The following ZNF737 variants were observed in gnomAD, a reference collection of about 807,000 sequenced individuals.
The protein encoded by ZNF737 is zinc finger protein 102 (Y3).
Under a neutral mutation model 11.7 loss-of-function variants are expected in ZNF737, and 13 were observed. The ratio of observed to expected loss-of-function variants is 1.11; its 90% confidence interval spans 0.73 to 1.77. The LOEUF (loss-of-function observed/expected upper bound fraction) is 1.77. ZNF737 is among the 40% of genes most tolerant of loss of function. The pLI is 0.00. For synonymous variants in ZNF737, 217 were observed against 216.2 expected, an observed-to-expected ratio of 1.00 and a Z score of -0.03; for missense variants, 636 against 638.0, an observed-to-expected ratio of 1.00 and a Z score of 0.03.
the ZNF737 span, among the ~76,000 whole-genome samples, chr19:20,530,534 T>A: frequency 8.0e-6 from 1 of 124,254 alleles, no homozygotes; most frequent in Non-Finnish European, 1.7e-5. Flanking sequence ...AGGCGGAGGG[T>A]CTCCTCACTT....
Position 20,544,313 on chromosome 19 carries a change from G to T in ZNF737, c.*279C>A. ...CATATTTAGTAAAAGTTGATAGCTG[G>T]TTAAAGGCTTTCCGACATTCATCAA... On this transcript the variant is annotated 3_prime_UTR_variant, in exon 4 of 4. Transcript: ENST00000427401. 7.9e-7 allele frequency: 1 copy of T among 1,271,796 alleles called. No individual in the cohort carries two copies. Among genetic ancestry groups the T allele is most frequent in the Non-Finnish European group, 9.9e-7 (1 of 1,008,796 alleles). 78.8% of individuals were successfully genotyped at this position (1,271,796 alleles called of 1,614,324 possible).
Position 20,541,982 on chromosome 19 carries a change from T to C in ZNF737, c.*2610A>G. 1 of 972,416 alleles carries C rather than the reference T, an allele frequency of 1.0e-6. No individual in the cohort carries two copies. Among genetic ancestry groups the C allele is most frequent in the Non-Finnish European group, 1.2e-6 (1 of 818,308 alleles). 60.2% of individuals were successfully genotyped at this position (972,416 alleles called of 1,614,324 possible). A position where few individuals can be genotyped will look rare whatever the true frequency, so the allele number is the denominator to read the frequency against. The stretch of plus-strand genomic sequence containing the variant: ...TATACCCACGAATACAAATAAAAAA[T>C]TTAAATAATAAAGAGTCAAAATTTA... On this transcript the variant is annotated 3_prime_UTR_variant, in exon 4 of 4. Transcript: ENST00000427401.
rs1968436407 is a variant in ZNF737 at position 20,545,854 on chromosome 19, A to C, written c.349T>G (p.Cys117Gly). The C allele has an allele frequency of 6.2e-7, 1 of 1,613,372 alleles. No individual in the cohort carries two copies. The highest frequency in any genetic ancestry group is 1.3e-5 in the African/African-American group (1 of 74,872). ...ACCTTACACTCATCTACACTTTCAC[A>C]GCCCTTTTTAAACTGTAAATTGTCA... ...GHDNLQFKKG[C>G]ESVDECKVHK... Residue 117 changes from cysteine (C) to glycine (G), a missense_variant, in exon 4 of 4, where the codon TGT becomes GGT. Cys to Gly is a radical substitution (Grantham distance 159). Transcript: ENST00000427401.
At chr19:20,533,308 G>C (rs537241450), downstream of ZNF737, among the ~76,000 whole-genome samples, 2 of 149,082 alleles carry the variant, frequency 1.3e-5, no homozygotes, top group African/African-American at 2.5e-5. Flanking sequence ...TGTATGAAAG[G>C]TTTTTGTATT....
chr19:20,552,236 A>T (rs1452139320), intron 3 of ZNF737, among the ~76,000 whole-genome samples: 2 of 151,954 alleles, frequency 1.3e-5, no homozygotes, highest in Non-Finnish European at 2.9e-5. Context: ...TCTCACTGTG[A>T]ACTTGAAGGG....
chr19:20,552,696 CAG>C (rs1266703332), intron 2 of ZNF737, 126 bp from the exon 3 acceptor site: 8 of 595,960 alleles, frequency 1.3e-5, no homozygotes, highest in African/African-American at 4.0e-5. Flanking sequence ...AAATTTATAA[CAG>C]AAATTTCTAA....
Position 20,541,039 on chromosome 19 carries a change from G to A in ZNF737, c.*3553C>T, listed in dbSNP as rs1968184658. 4 of 985,026 alleles carry A rather than the reference G, an allele frequency of 4.1e-6. No individual in the cohort carries two copies. Among genetic ancestry groups the A allele is most frequent in the Non-Finnish European group, 3.6e-6 (3 of 829,832 alleles). The allele number at this position is 985,026 out of a possible 1,614,324, so 61.0% of individuals were successfully genotyped here. On this transcript the variant is annotated 3_prime_UTR_variant, in exon 4 of 4. Transcript: ENST00000427401. ...TTTTATTATTGTACTCAAGAGAGTTGTTTCTGGAGACAAAGTTGCCTGTGC... is the reference window on the plus strand; with the variant it reads ...TTTTATTATTGTACTCAAGAGAGTTATTTCTGGAGACAAAGTTGCCTGTGC...
downstream of ZNF737, chr19:20,536,129 C>T (rs1967955936): frequency 3.0e-6 from 3 of 984,754 alleles, no homozygotes; most frequent in Admixed American, 6.2e-5. Context: ...AGGACAGCCA[C>T]TTCTCTGCAA....
downstream of ZNF737, among the ~76,000 whole-genome samples, chr19:20,536,501 C>T (rs974175597): frequency 1.5e-4 from 23 of 152,130 alleles, no homozygotes; most frequent in Non-Finnish European, 2.1e-4. Flanking sequence ...GAAAGCACGT[C>T]GTGCTATTGC....
Position 20,553,358 on chromosome 19 carries a change from A to G in ZNF737, c.130+351T>C, listed in dbSNP as rs563817570. Among the ~76,000 whole-genome samples the G allele has an allele frequency of 5.3e-5, 8 of 152,224 alleles. No individual in the cohort carries two copies. The East Asian group carries it at 1.5e-3, about 29-fold the overall frequency. On this transcript the variant is annotated intron_variant, in intron 2 of 3. Transcript: ENST00000427401. ...ACTGCAACCTCCGCCTCCTGGGTTC[A>G]AGGTATTCTCCTGCCTCACCTTCCC...
rs182417854 is a variant in ZNF737 at position 20,552,809 on chromosome 19, A to G, written c.131-239T>C. 2.1e-3 allele frequency among the ~76,000 whole-genome samples: 317 copies of G among 151,998 alleles called. 1 individual carries two copies. The highest frequency in any genetic ancestry group is 6.9e-3 in the African/African-American group (285 of 41,510). On this transcript the variant is annotated intron_variant, in intron 2 of 3. Coordinates refer to ENST00000427401, the MANE Select transcript of ZNF737 (RefSeq NM_001159293.2). ...TGGGTGAATCACGAGGTCATGAGTT[A>G]GAGACCAGCCTGGCCAGCATGGTGA...
At chr19:20,552,445 T>C (rs1381057364) in intron 3 of ZNF737, 30 bp downstream of exon 3, 2 of 1,490,770 alleles carry the variant, frequency 1.3e-6, no homozygotes, top group South Asian at 2.6e-5. Flanking sequence ...ATCTGTGTCG[T>C]CTGCTATATT....
chr19:20,551,429 CAAA>C (rs59406979), intron 3 of ZNF737, among the ~76,000 whole-genome samples: 11,247 of 101,938 alleles, frequency 0.11, 424 homozygotes, highest in East Asian at 0.26. Flanking sequence ...AACCCCATCT[CAAA>C]AAAAAAAAAA....
chr19:20,542,596 A>ATTT lies in ZNF737; in HGVS notation c.*1993_*1995dup, dbSNP rs782595496. 5.7e-5 allele frequency: 55 copies of ATTT among 971,134 alleles called. No individual in the cohort carries two copies. The highest frequency in any genetic ancestry group is 6.6e-5 in the Non-Finnish European group (54 of 817,220). The allele number at this position is 971,134 out of a possible 1,614,324, so 60.2% of individuals were successfully genotyped here. ...GTACAAGTAGTAAAGTAATATACTCATTTATTTTAATATACTTTTAATTAT... is the reference window on the plus strand; with the variant it reads ...GTACAAGTAGTAAAGTAATATACTCATTTTTTATTTTAATATACTTTTAATTAT... On this transcript the variant is annotated 3_prime_UTR_variant, in exon 4 of 4. Coordinates refer to ENST00000427401, the MANE Select transcript of ZNF737 (RefSeq NM_001159293.2).
chr19:20,554,394 A>G, intron 1 of ZNF737, among the ~76,000 whole-genome samples: 1 of 152,224 alleles, frequency 6.6e-6, no homozygotes, highest in East Asian at 1.9e-4. Flanking sequence ...CAAAGATAAG[A>G]GTCTTCATTT....
downstream of ZNF737, among the ~76,000 whole-genome samples, chr19:20,537,290 C>T (rs1968007317): frequency 6.6e-6 from 1 of 150,866 alleles, no homozygotes; most frequent in African/African-American, 2.4e-5. Flanking sequence ...AGCCTCTGCC[C>T]ACAAGGTTCA....
chr19:20,543,440 A>C lies in ZNF737; in HGVS notation c.*1152T>G. ...AGGCTTATACTTGCTGAAAGTTTTG[A>C]CAGTAATTGCCATTTTAATGCTTTT... On this transcript the variant is annotated 3_prime_UTR_variant, in exon 4 of 4. Transcript: ENST00000427401. 1.0e-6 allele frequency: 1 copy of C among 985,946 alleles called. No homozygotes were observed. Among genetic ancestry groups the C allele is most frequent in the Non-Finnish European group, 1.2e-6 (1 of 829,618 alleles). 61.1% of individuals were successfully genotyped at this position (985,946 alleles called of 1,614,324 possible). A position where few individuals can be genotyped will look rare whatever the true frequency, so the allele number is the denominator to read the frequency against.
chr19:20,536,723 C>G (rs1316295459), downstream of ZNF737, among the ~76,000 whole-genome samples: 3 of 152,180 alleles, frequency 2.0e-5, no homozygotes, highest in Non-Finnish European at 4.4e-5. Context: ...TGGTGGATTG[C>G]TTGAGGTCAT....
intron 1 of ZNF737, among the ~76,000 whole-genome samples, chr19:20,564,664 T>A (rs1424471794): frequency 8.1e-4 from 116 of 142,704 alleles, no homozygotes; most frequent in African/African-American, 2.3e-3. Flanking sequence ...AAAAAAAAAA[T>A]AAAAATAATA....
Sources: gnomAD v4.1 joint callset for allele counts (sites outside exome capture counted in the v4.1 genomes callset) on GRCh38, gnomAD v4.1.1 for gene constraint, MANE v1.5 for transcripts, NCBI Gene and HGNC (gene_info 2026-07-23, HGNC 2026-07-21) for gene names.